The following DTNBP1 variants were observed in gnomAD, a reference collection of about 807,000 sequenced individuals.
DTNBP1 encodes dysbindin.
DTNBP1 carries 35 observed loss-of-function variants against 42.8 expected under a neutral mutation model. The ratio of observed to expected loss-of-function variants is 0.82; its 90% CI spans 0.63 to 1.09. The LOEUF is 1.09. Among genes scored for constraint, DTNBP1 ranks in the 50% least tolerant of loss-of-function variants. The pLI is 0.00. For synonymous variants in DTNBP1, 171 were observed against 162.2 expected (o/e 1.05, Z -0.41); for missense variants, 457 against 424.2 (o/e 1.08, Z -0.68).
At chr6:15,586,156 TG>T in intron 7 of DTNBP1, 2 of 529,176 alleles carry the variant, frequency 3.8e-6, no homozygotes, top group Non-Finnish European at 4.9e-6. Flanking sequence ...GATGAAATCT[TG>T]CTGTTTGAAA....
chr6:15,576,284 A>G (rs2113549461), intron 7 of DTNBP1, among the ~76,000 whole-genome samples: 1 of 151,760 alleles, frequency 6.6e-6, no homozygotes, highest in South Asian at 2.1e-4. Context: ...ACGCCCGGCT[A>G]ATTTTTGTAT....
intron 8 of DTNBP1, among the ~76,000 whole-genome samples, chr6:15,531,817 A>T (rs896652243): frequency 1.3e-5 from 2 of 152,134 alleles, no homozygotes; most frequent in Non-Finnish European, 2.9e-5. Flanking sequence ...TATTTTCAGT[A>T]GAGACGAGGT....
At chr6:15,643,920 A>G (rs1490456609) in intron 3 of DTNBP1, among the ~76,000 whole-genome samples, 1 of 152,200 alleles carries the variant, frequency 6.6e-6, no homozygotes, top group Non-Finnish European at 1.5e-5. Context: ...TCAAAGGAAT[A>G]AAACTTCACA....
rs1772688398 is a variant in DTNBP1, at chr6:15,529,846, A to G, written c.667+3394T>C. On this transcript the variant is annotated intron_variant, in intron 8 of 9. Transcript: ENST00000344537. Reference sequence around the variant, plus strand: ...AACCTGGGCTAGGGCCTTACAAAACATCTAATTATATCCTAACGGCATGGA... The same window carrying G: ...AACCTGGGCTAGGGCCTTACAAAACGTCTAATTATATCCTAACGGCATGGA... 3.3e-5 allele frequency among the ~76,000 whole-genome samples: 5 copies of G among 152,392 alleles called. No homozygotes were observed. In the South Asian group the frequency reaches 8.3e-4, roughly 25 times the overall value.
chr6:15,651,476 T>A, intron 2 of DTNBP1, 113 bp from the exon 3 acceptor site: 1 of 1,371,042 alleles, frequency 7.3e-7, no homozygotes, highest in Non-Finnish European at 1.0e-6. Context: ...TTAAAATCAC[T>A]AATGACAATT....
chr6:15,658,171 T>C (rs1313559385), intron 1 of DTNBP1, among the ~76,000 whole-genome samples: 2 of 152,236 alleles, frequency 1.3e-5, no homozygotes, highest in Non-Finnish European at 2.9e-5. Context: ...ATATGGGCTC[T>C]CAAATCTTTT....
intron 6 of DTNBP1, among the ~76,000 whole-genome samples, chr6:15,606,764 A>G (rs748494889): frequency 1.2e-4 from 18 of 152,194 alleles, no homozygotes; most frequent in Non-Finnish European, 2.2e-4. Flanking sequence ...ATCACATATT[A>G]TCGTTTTCTT....
Position 15,524,628 on chromosome 6 carries a change from T to C in DTNBP1, c.709A>G (p.Met237Val), listed in dbSNP as rs372800513. 1.1e-4 allele frequency: 185 copies of C among 1,613,796 alleles called. No homozygotes were observed. The highest frequency in any genetic ancestry group is 1.6e-4 in the Middle Eastern group (1 of 6,084). Residue 237 changes from methionine to valine, a missense_variant, in exon 9 of 10, where the codon ATG becomes GTG. By Grantham distance (21) the Met-to-Val change is conservative. Coordinates refer to ENST00000344537, the MANE Select transcript of DTNBP1 (RefSeq NM_032122.5). Reference sequence around the variant, plus strand: ...TCCATCAGGTCCATCTGCTCCAGCATGTCCACGTTCACTTCCATGGATGAC... The same window carrying C: ...TCCATCAGGTCCATCTGCTCCAGCACGTCCACGTTCACTTCCATGGATGAC... ...SMSSMEVNVD[M>V]LEQMDLMDIS...
At chr6:15,544,956 T>A (rs1028972355) in intron 7 of DTNBP1, among the ~76,000 whole-genome samples, 1 of 152,172 alleles carries the variant, frequency 6.6e-6, no homozygotes, top group Non-Finnish European at 1.5e-5. Context: ...TTTAGAAAAA[T>A]TTTGTTCAGA....
At chr6:15,544,440 G>A (rs1387820095) in intron 7 of DTNBP1, among the ~76,000 whole-genome samples, 2 of 152,170 alleles carry the variant, frequency 1.3e-5, no homozygotes, top group Non-Finnish European at 2.9e-5. Flanking sequence ...TGCAACTGCT[G>A]GGTCATACGG....
At position 15,581,629 on chromosome 6, in the gene DTNBP1, T is replaced by G. The variant is rs116646141; in HGVS notation, c.511+11430A>C. ...CAGAGTAGCTAAGACTACAGGAGCATAACACGCCTAGCTAATTTTTGTATT... is the reference window on the plus strand; with the variant it reads ...CAGAGTAGCTAAGACTACAGGAGCAGAACACGCCTAGCTAATTTTTGTATT... On this transcript the variant is annotated intron_variant, in intron 7 of 9. Transcript: ENST00000344537. Among the ~76,000 whole-genome samples, 368 of 151,780 alleles carry G rather than the reference T, an allele frequency of 2.4e-3. 1 individual carries two copies. The highest frequency in any genetic ancestry group is 8.5e-3 in the African/African-American group (351 of 41,378).
At chr6:15,536,765 G>A (rs1773253886) in intron 7 of DTNBP1, among the ~76,000 whole-genome samples, 1 of 152,194 alleles carries the variant, frequency 6.6e-6, no homozygotes, top group East Asian at 1.9e-4. Flanking sequence ...GCCCTCCAGA[G>A]CCCAGAATGG....
chr6:15,533,476 C>T, intron 7 of DTNBP1, 81 bp from the exon 8 acceptor site: 1 of 1,607,778 alleles, frequency 6.2e-7, no homozygotes, highest in Non-Finnish European at 8.5e-7. Flanking sequence ...CTCGCATCCA[C>T]CCTCCAAGTG....
intron 7 of DTNBP1, among the ~76,000 whole-genome samples, chr6:15,576,158 G>C (rs1431726765): frequency 6.6e-6 from 1 of 150,782 alleles, no homozygotes; most frequent in Non-Finnish European, 1.5e-5. Context: ...TTGCTCTGTT[G>C]CCCAGGCTGG....
At chr6:15,660,497 C>A in intron 1 of DTNBP1, 1 of 1,289,738 alleles carries the variant, frequency 7.8e-7, no homozygotes, top group Non-Finnish European at 1.0e-6. Context: ...ACTGACAGTC[C>A]AGTGGTTTGT....
At chr6:15,653,011 G>A (rs1761097500) in intron 1 of DTNBP1, among the ~76,000 whole-genome samples, 1 of 152,070 alleles carries the variant, frequency 6.6e-6, no homozygotes, top group Non-Finnish European at 1.5e-5. Flanking sequence ...TAATTTATCT[G>A]GCATCTTTAG....
At chr6:15,616,928 G>T (rs574200307) in intron 5 of DTNBP1, among the ~76,000 whole-genome samples, 11 of 152,162 alleles carry the variant, frequency 7.2e-5, no homozygotes, top group Non-Finnish European at 1.6e-4. Context: ...CAGTAAAGTT[G>T]CAGGATACAA....
At chr6:15,642,341 G>A (rs1209815257) in intron 3 of DTNBP1, among the ~76,000 whole-genome samples, 7 of 152,148 alleles carry the variant, frequency 4.6e-5, no homozygotes, top group South Asian at 4.1e-4. Flanking sequence ...AGTGGATCAC[G>A]TTCCTGCCAG....
chr6:15,523,695 G>T (rs1189340436), intron 9 of DTNBP1: 1 of 1,287,172 alleles, frequency 7.8e-7, no homozygotes, highest in Non-Finnish European at 1.0e-6. Context: ...TCTATATGCA[G>T]GTGTCACTGT....
Sources: gnomAD v4.1 joint callset for allele counts (sites outside exome capture counted in the v4.1 genomes callset) on GRCh38, gnomAD v4.1.1 for gene constraint, MANE v1.5 for transcripts, NCBI Gene and HGNC (gene_info 2026-07-23, HGNC 2026-07-21) for gene names.